DNM3: variants seen among roughly 807,000 people sequenced by gnomAD.
DNM3 encodes dynamin-3.
A neutral mutation model predicts 101.6 loss-of-function variants in DNM3; 47 were observed. That is an observed-to-expected ratio of 0.46 (90% confidence interval 0.37 to 0.59). DNM3 has a LOEUF of 0.59. Among genes scored for constraint, DNM3 ranks in the 20% least tolerant of loss-of-function variants. The pLI is 0.00. For missense variants in DNM3, 849 were observed against 1,085.7 expected, an observed-to-expected ratio of 0.78 and a Z score of 3.06; for synonymous variants, 385 against 387.9, an observed-to-expected ratio of 0.99 and a Z score of 0.09.
chr1:172,097,350 A>T (rs2054314161), intron 13 of DNM3, among the ~76,000 whole-genome samples: 3 of 152,090 alleles, frequency 2.0e-5, no homozygotes, highest in Admixed American at 2.0e-4. Flanking sequence ...CAGTGAGCCA[A>T]GATCACACCA....
chr1:172,334,564 G>A (rs1203805005), intron 17 of DNM3, among the ~76,000 whole-genome samples: 1 of 152,128 alleles, frequency 6.6e-6, no homozygotes, highest in African/African-American at 2.4e-5. Context: ...TGAAGATTTG[G>A]ACCTGTGTCC....
rs200009885 is a variant in DNM3 at position 172,129,982 on chromosome 1, CAG to C, written c.1546-1192_1546-1191del. On this transcript the variant is annotated intron_variant, in intron 13 of 20. Coordinates refer to ENST00000627582, the MANE Select transcript of DNM3 (RefSeq NM_015569.5). ...ATTGGGCACCAAGGCAATGCTGAAA[CAG>C]GGAATCAAGGGTGACAGGGGCTGGA... Among the ~76,000 whole-genome samples, 1,074 of 152,204 alleles carry C rather than the reference CAG, an allele frequency of 7.1e-3. 13 individuals are homozygous for C. The highest frequency in any genetic ancestry group is 0.019 in the Admixed American group (290 of 15,268).
rs755784371 is a variant in DNM3, at chr1:172,081,914, A to G, written c.1493+12A>G. 4 of 1,611,324 alleles carry G rather than the reference A, an allele frequency of 2.5e-6. No homozygotes were observed. In the African/African-American group the frequency reaches 5.3e-5, roughly 22 times the overall value. ...ATTGGCTTCGCAAAGTACGTGAAAC[A>G]CTTGATGGCCACATGCATTCCTCCT... is the stretch of plus-strand genomic sequence containing the variant. On this transcript the variant is annotated intron_variant, in intron 12 of 20. Transcript: ENST00000627582.
At chr1:172,354,064 G>C (rs2067312800) in intron 17 of DNM3, among the ~76,000 whole-genome samples, 1 of 144,118 alleles carries the variant, frequency 6.9e-6, no homozygotes, top group Admixed American at 7.0e-5. Flanking sequence ...TAACTGGGAG[G>C]TATTTAGGAC....
chr1:171,902,432 T>A (rs1261435976), intron 1 of DNM3, among the ~76,000 whole-genome samples: 1 of 152,224 alleles, frequency 6.6e-6, no homozygotes, highest in East Asian at 1.9e-4. Flanking sequence ...CCTCCTGAGA[T>A]CCAAAGTTTC....
chr1:171,993,997 A>G (rs559872282), intron 4 of DNM3, among the ~76,000 whole-genome samples: 156 of 152,048 alleles, frequency 1.0e-3, no homozygotes, highest in African/African-American at 3.6e-3. Flanking sequence ...CATTATTCTC[A>G]TACATTCTTT....
intron 17 of DNM3, among the ~76,000 whole-genome samples, chr1:172,340,313 C>T (rs2066628339): frequency 1.3e-5 from 2 of 152,186 alleles, no homozygotes; most frequent in African/African-American, 2.4e-5. Context: ...TGTAGGTTGA[C>T]AGCCTCTACT....
chr1:172,204,287 A>C (rs1164885130), intron 14 of DNM3, among the ~76,000 whole-genome samples: 1 of 94,764 alleles, frequency 1.1e-5, no homozygotes, highest in Non-Finnish European at 1.9e-5. Context: ...TGATACAAGC[A>C]GTGCATTATT....
At chr1:171,962,029 C>T (rs1382118930) in intron 2 of DNM3, among the ~76,000 whole-genome samples, 1 of 152,144 alleles carries the variant, frequency 6.6e-6, no homozygotes, top group Non-Finnish European at 1.5e-5. Context: ...CCTGAGGTGG[C>T]AGAGGGTATC....
intron 17 of DNM3, among the ~76,000 whole-genome samples, chr1:172,331,168 T>C (rs2066167224): frequency 1.3e-5 from 2 of 152,290 alleles, no homozygotes; most frequent in South Asian, 2.1e-4. Flanking sequence ...CAATCGTTCT[T>C]CCTTAAATTC....
At chr1:172,106,620 A>T (rs1177839323) in intron 13 of DNM3, among the ~76,000 whole-genome samples, 1 of 152,120 alleles carries the variant, frequency 6.6e-6, no homozygotes, top group Non-Finnish European at 1.5e-5. Context: ...TTTTCAAAAA[A>T]AGTAAATTCT....
At chr1:172,035,811 A>G (rs970863775) in intron 6 of DNM3, among the ~76,000 whole-genome samples, 1 of 152,098 alleles carries the variant, frequency 6.6e-6, no homozygotes, top group Non-Finnish European at 1.5e-5. Context: ...ACAGCAACGC[A>G]TGCCAGGGTG....
intron 14 of DNM3, among the ~76,000 whole-genome samples, chr1:172,150,680 C>T (rs2058093536): frequency 6.6e-6 from 1 of 152,110 alleles, no homozygotes; most frequent in Non-Finnish European, 1.5e-5. Context: ...AGCCAGCTGG[C>T]ATGGGTTTGA....
At chr1:172,121,761 G>A (rs2056336433) in intron 13 of DNM3, among the ~76,000 whole-genome samples, 1 of 152,206 alleles carries the variant, frequency 6.6e-6, no homozygotes, top group African/African-American at 2.4e-5. Context: ...GGGATTTACA[G>A]AGGAACCAGG....
chr1:172,184,384 C>T (rs1455661151), intron 14 of DNM3, among the ~76,000 whole-genome samples: 3 of 152,140 alleles, frequency 2.0e-5, no homozygotes, highest in Non-Finnish European at 4.4e-5. Flanking sequence ...TAAAACCCAT[C>T]TGCAGAGACA....
intron 13 of DNM3, among the ~76,000 whole-genome samples, chr1:172,097,162 G>A (rs1258627516): frequency 1.3e-5 from 2 of 152,100 alleles, no homozygotes; most frequent in East Asian, 1.9e-4. Flanking sequence ...AGCACTTTGG[G>A]AGGCCGAGGT....
chr1:171,959,448 A>T (rs1001716955), intron 2 of DNM3, among the ~76,000 whole-genome samples: 6 of 152,182 alleles, frequency 3.9e-5, no homozygotes, highest in African/African-American at 1.4e-4. Context: ...AGGAACAATG[A>T]TGAGCTAAGG....
chr1:172,155,909 T>C (rs1457994090), intron 14 of DNM3, among the ~76,000 whole-genome samples: 2 of 152,096 alleles, frequency 1.3e-5, no homozygotes, highest in African/African-American at 4.8e-5. Flanking sequence ...TGGTTGTTGT[T>C]AGGCAGTAGA....
At chr1:172,038,782 T>C (rs184620117) in intron 7 of DNM3, among the ~76,000 whole-genome samples, 2 of 152,188 alleles carry the variant, frequency 1.3e-5, no homozygotes, top group South Asian at 2.1e-4. Context: ...TAAATACAGA[T>C]GCAAATATCA....
Sources: gnomAD v4.1 joint callset for allele counts (sites outside exome capture counted in the v4.1 genomes callset) on GRCh38, gnomAD v4.1.1 for gene constraint, MANE v1.5 for transcripts, NCBI Gene and HGNC (gene_info 2026-07-23, HGNC 2026-07-21) for gene names.